Variants in TMEM74 observed in about 807,000 individuals in gnomAD.
The protein encoded by TMEM74 is transmembrane protein 74.
Under a neutral mutation model 18.1 loss-of-function variants are expected in TMEM74, and 13 were observed. The observed-to-expected ratio is 0.72, with a 90% confidence interval of 0.47 to 1.14. TMEM74 has a LOEUF of 1.14. TMEM74 is among the 50% of genes most tolerant of loss of function. The pLI is 0.00. For synonymous variants in TMEM74, 159 were observed against 146.6 expected (o/e 1.08, Z -0.61); for missense variants, 372 against 375.9 (o/e 0.99, Z 0.09).
chr8:108,762,750 T>C (rs1309722634), intron 1 of TMEM74, among the ~76,000 whole-genome samples: 1 of 152,092 alleles, frequency 6.6e-6, no homozygotes, highest in Non-Finnish European at 1.5e-5. Context: ...CCAAATTTAA[T>C]AGAAGGCATA....
At chr8:108,752,242 T>A (rs1461908341) in intron 1 of TMEM74, among the ~76,000 whole-genome samples, 1 of 152,228 alleles carries the variant, frequency 6.6e-6, no homozygotes, top group Non-Finnish European at 1.5e-5. Context: ...TGTTTAAATT[T>A]CTTAACCTCT....
At chr8:108,740,417 T>G (rs901006623) in intron 1 of TMEM74, among the ~76,000 whole-genome samples, 1 of 152,200 alleles carries the variant, frequency 6.6e-6, no homozygotes, top group Non-Finnish European at 1.5e-5. Context: ...GTTAACTAAG[T>G]TAACCTAGAT....
chr8:108,715,511 G>A (rs1383591854), intron 1 of TMEM74, among the ~76,000 whole-genome samples: 1 of 151,984 alleles, frequency 6.6e-6, no homozygotes, highest in East Asian at 1.9e-4. Context: ...AAAAAAAACT[G>A]GAGAAGAAAG....
At chr8:108,697,049 CT>C (rs1160489549) in intron 1 of TMEM74, among the ~76,000 whole-genome samples, 4 of 152,096 alleles carry the variant, frequency 2.6e-5, no homozygotes, top group Non-Finnish European at 5.9e-5. Flanking sequence ...TCTTGTTTTC[CT>C]TTTCATCTTT....
chr8:108,667,057 A>G (rs1812956004), intron 1 of TMEM74, among the ~76,000 whole-genome samples: 1 of 152,182 alleles, frequency 6.6e-6, no homozygotes, highest in Non-Finnish European at 1.5e-5. Flanking sequence ...AGTTGCAAGG[A>G]GAGGTCTAAT....
chr8:108,609,972 T>C (rs918692539), intron 2 of TMEM74, among the ~76,000 whole-genome samples: 2 of 152,010 alleles, frequency 1.3e-5, no homozygotes, highest in Non-Finnish European at 2.9e-5. Flanking sequence ...AGAAGAAAGA[T>C]AGTAAGAAAA....
downstream of TMEM74, among the ~76,000 whole-genome samples, chr8:108,774,006 C>T (rs1402150021): frequency 2.0e-5 from 3 of 152,022 alleles, no homozygotes; most frequent in East Asian, 1.9e-4. Context: ...GACTTATACA[C>T]GAAATGTGAT....
intron 1 of TMEM74, among the ~76,000 whole-genome samples, chr8:108,681,580 C>T (rs920350602): frequency 6.6e-6 from 1 of 152,118 alleles, no homozygotes; most frequent in Non-Finnish European, 1.5e-5. Flanking sequence ...CTCCTATAGA[C>T]CATATAAGCT....
intron 1 of TMEM74, among the ~76,000 whole-genome samples, chr8:108,672,515 A>G (rs1235021703): frequency 6.6e-6 from 1 of 152,002 alleles, no homozygotes; most frequent in African/African-American, 2.4e-5. Context: ...TGTTGTGGGG[A>G]CCAGCACAGC....
intron 1 of TMEM74, among the ~76,000 whole-genome samples, chr8:108,728,855 T>C (rs1286989019): frequency 6.6e-6 from 1 of 152,238 alleles, no homozygotes; most frequent in Non-Finnish European, 1.5e-5. Flanking sequence ...AGAAGCCATG[T>C]GTTTTTCTAA....
At chr8:108,647,246 G>A (rs1812729086) in intron 2 of TMEM74, among the ~76,000 whole-genome samples, 1 of 152,080 alleles carries the variant, frequency 6.6e-6, no homozygotes, top group African/African-American at 2.4e-5. Flanking sequence ...TTTGGTTTTA[G>A]TTTGAAGAAA....
rs145060125 is a variant in TMEM74 at position 108,658,418 on chromosome 8, C to T, written n.120-2981G>A. Among the ~76,000 whole-genome samples, 393 of 151,986 alleles carry T rather than the reference C, an allele frequency of 2.6e-3. 2 individuals are homozygous for T. The highest frequency in any genetic ancestry group is 8.6e-3 in the African/African-American group (355 of 41,442). On this transcript the variant is annotated intron_variant and non_coding_transcript_variant, in intron 1 of 3. Transcript: ENST00000518838. ...AGATCTGGGAGTGACTGAGACCAGCCCTAATGTGCTGAGATAGACACATTA... is the reference window on the plus strand; with the variant it reads ...AGATCTGGGAGTGACTGAGACCAGCTCTAATGTGCTGAGATAGACACATTA...
At chr8:108,698,833 C>T (rs879487075) in intron 1 of TMEM74, among the ~76,000 whole-genome samples, 26 of 151,974 alleles carry the variant, frequency 1.7e-4, no homozygotes, top group Non-Finnish European at 3.2e-4. Flanking sequence ...TTCTTAAATA[C>T]GAAGTAAAAT....
intron 1 of TMEM74, among the ~76,000 whole-genome samples, chr8:108,746,707 T>C (rs577764701): frequency 1.9e-4 from 29 of 152,038 alleles, no homozygotes; most frequent in African/African-American, 6.8e-4. Context: ...GATCAGAGGG[T>C]TGGAACTTTC....
At chr8:108,708,477 G>A (rs1813440246) in intron 1 of TMEM74, among the ~76,000 whole-genome samples, 1 of 151,980 alleles carries the variant, frequency 6.6e-6, no homozygotes, top group Non-Finnish European at 1.5e-5. Context: ...TTTTGCAACG[G>A]CTGAACTAAC....
At chr8:108,702,343 T>TAAA (rs1242874088) in intron 1 of TMEM74, among the ~76,000 whole-genome samples, 2 of 95,106 alleles carry the variant, frequency 2.1e-5, no homozygotes, top group African/African-American at 8.3e-5. Context: ...AGACTCCATC[T>TAAA]AAAAAAAAAA....
intron 1 of TMEM74, among the ~76,000 whole-genome samples, chr8:108,695,070 T>G (rs1813266781): frequency 6.6e-6 from 1 of 152,070 alleles, no homozygotes; most frequent in South Asian, 2.1e-4. Context: ...AGGATCTGGA[T>G]GAGTTGGGGG....
intron 2 of TMEM74, among the ~76,000 whole-genome samples, chr8:108,636,931 C>G (rs973148223): frequency 6.6e-6 from 1 of 152,012 alleles, no homozygotes; most frequent in African/African-American, 2.4e-5. Flanking sequence ...ATGTGTTGAC[C>G]ATGATCGGTC....
At chr8:108,765,023 C>T (rs73311981) in intron 1 of TMEM74, among the ~76,000 whole-genome samples, 6 of 152,054 alleles carry the variant, frequency 3.9e-5, no homozygotes, top group African/African-American at 9.7e-5. Flanking sequence ...CTTCCCCTTC[C>T]GTTTTCAGCC....
Sources: allele counts gnomAD v4.1 joint callset (sites outside exome capture counted in the v4.1 genomes callset), GRCh38; gene constraint gnomAD v4.1.1; transcripts MANE v1.5; gene names NCBI Gene and HGNC (gene_info 2026-07-23, HGNC 2026-07-21).